HS2ST1: variants seen among roughly 807,000 people sequenced by gnomAD.
HS2ST1 encodes the protein 2-O-sulfotransferase.
Under a neutral mutation model 42.9 loss-of-function variants are expected in HS2ST1, and 18 were observed. The ratio of observed to expected loss-of-function variants is 0.42; its 90% confidence interval spans 0.29 to 0.62. The LOEUF (loss-of-function observed/expected upper bound fraction) is 0.62. Among genes scored for constraint, HS2ST1 ranks in the 20% least tolerant of loss-of-function variants. The pLI is 0.21. For synonymous variants in HS2ST1, 146 were observed against 152.9 expected, an observed-to-expected ratio of 0.95 and a Z score of 0.33; for missense variants, 334 against 433.8, an observed-to-expected ratio of 0.77 and a Z score of 2.04.
At chr1:86,969,863 C>G (rs553355965) in intron 1 of HS2ST1, among the ~76,000 whole-genome samples, 1 of 152,010 alleles carries the variant, frequency 6.6e-6, no homozygotes, top group Non-Finnish European at 1.5e-5. Context: ...CGGTGGCTCA[C>G]GCCTGTAATC....
intron 1 of HS2ST1, among the ~76,000 whole-genome samples, chr1:86,942,340 A>G (rs1660782214): frequency 1.3e-5 from 2 of 152,228 alleles, no homozygotes. Context: ...CAGTCTCTTT[A>G]AAATTTAGAT....
At chr1:86,964,320 C>G (rs1324848284) in intron 1 of HS2ST1, among the ~76,000 whole-genome samples, 1 of 152,336 alleles carries the variant, frequency 6.6e-6, no homozygotes, top group Admixed American at 6.5e-5. Context: ...TAGCCGAGAT[C>G]ACGCCACCGC....
Position 87,013,138 on chromosome 1 carries a change from G to A in HS2ST1, c.125-59796G>A, listed in dbSNP as rs367588233. ...CCTCTTCTCACAGCTCCAGTAGGTA[G>A]TTCCCCAGTGGGGACTCTGTATAGG... On this transcript the variant is annotated intron_variant, in intron 1 of 6. Coordinates refer to ENST00000370550, the MANE Select transcript of HS2ST1 (RefSeq NM_012262.4). 7.2e-5 allele frequency among the ~76,000 whole-genome samples: 11 copies of A among 152,344 alleles called. No individual in the cohort carries two copies. In the East Asian group the frequency reaches 1.9e-3, roughly 27 times the overall value.
At chr1:86,982,814 G>A (rs755173487) in intron 1 of HS2ST1, among the ~76,000 whole-genome samples, 2 of 151,776 alleles carry the variant, frequency 1.3e-5, no homozygotes, top group Non-Finnish European at 2.9e-5. Flanking sequence ...GCGCCTGGCC[G>A]CCATGTCACC....
chr1:86,926,611 C>A (rs1660427588), intron 1 of HS2ST1, among the ~76,000 whole-genome samples: 2 of 152,242 alleles, frequency 1.3e-5, no homozygotes, highest in South Asian at 4.1e-4. Flanking sequence ...AGGGTAAATT[C>A]AGTCTCTTTT....
At chr1:86,924,448 C>T (rs972946451) in intron 1 of HS2ST1, among the ~76,000 whole-genome samples, 7 of 152,210 alleles carry the variant, frequency 4.6e-5, no homozygotes, top group African/African-American at 1.7e-4. Context: ...GGCTGCAACC[C>T]CACATTTCCC....
At chr1:87,037,973 G>A (rs1398606927) in intron 1 of HS2ST1, among the ~76,000 whole-genome samples, 1 of 151,866 alleles carries the variant, frequency 6.6e-6, no homozygotes, top group East Asian at 1.9e-4. Context: ...TGTTTTTCTA[G>A]TAGGTGCCTA....
chr1:87,046,075 T>C, intron 1 of HS2ST1: 1 of 665,430 alleles, frequency 1.5e-6, no homozygotes, highest in Non-Finnish European at 2.9e-6. Context: ...GACAGCATCA[T>C]GAACCCTGAC....
chr1:87,045,970 T>C lies in HS2ST1; in HGVS notation c.125-26964T>C, dbSNP rs74099235. 1.1e-3 allele frequency: 796 copies of C among 720,444 alleles called. 5 individuals are homozygous for C. In the African/African-American group the frequency reaches 0.012, roughly 11 times the overall value. The allele number at this position is 720,444 out of a possible 1,614,324, so 44.6% of individuals were successfully genotyped here. On this transcript the variant is annotated intron_variant, in intron 1 of 6. Transcript: ENST00000370550. ...TGATGTCAGCAACCTCAACAGTTTT[T>C]GTTTCAAAAGAAACATGTTGGAAGA...
intron 1 of HS2ST1, among the ~76,000 whole-genome samples, chr1:86,984,637 C>T (rs1353321341): frequency 1.3e-5 from 2 of 152,100 alleles, no homozygotes; most frequent in Non-Finnish European, 2.9e-5. Flanking sequence ...GTAATCCCAG[C>T]ACTTTGGGAG....
chr1:86,938,112 A>G (rs965216243), intron 1 of HS2ST1, among the ~76,000 whole-genome samples: 1 of 152,140 alleles, frequency 6.6e-6, no homozygotes, highest in Non-Finnish European at 1.5e-5. Context: ...GTAAGATTAT[A>G]TGTTGATTTC....
chr1:87,058,036 C>T (rs1651021760), intron 1 of HS2ST1, among the ~76,000 whole-genome samples: 1 of 151,474 alleles, frequency 6.6e-6, no homozygotes, highest in African/African-American at 2.4e-5. Context: ...TTGTTTTAGC[C>T]TCGGGGTGAG....
At chr1:86,963,801 TC>T (rs1411222458) in intron 1 of HS2ST1, among the ~76,000 whole-genome samples, 1 of 110,498 alleles carries the variant, frequency 9.0e-6, no homozygotes, top group African/African-American at 3.5e-5. Flanking sequence ...GGCCCCCACC[TC>T]CCCCCCTGGA....
At chr1:86,933,160 A>G (rs1461674522) in intron 1 of HS2ST1, among the ~76,000 whole-genome samples, 2 of 151,962 alleles carry the variant, frequency 1.3e-5, no homozygotes, top group Non-Finnish European at 1.5e-5. Flanking sequence ...TCAGGTGTAG[A>G]TTTTTTGGTG....
chr1:86,968,793 A>T (rs183281356), intron 1 of HS2ST1, among the ~76,000 whole-genome samples: 3 of 152,296 alleles, frequency 2.0e-5, no homozygotes, highest in Non-Finnish European at 4.4e-5. Flanking sequence ...TAAAAAAAAA[A>T]GCTTCATGCT....
chr1:87,101,923 C>G (rs1652219434), intron 5 of HS2ST1, among the ~76,000 whole-genome samples: 1 of 152,120 alleles, frequency 6.6e-6, no homozygotes, highest in Non-Finnish European at 1.5e-5. Flanking sequence ...AGCATGGCAC[C>G]AACATCTGTT....
chr1:86,944,516 G>A (rs1171243886), intron 1 of HS2ST1, among the ~76,000 whole-genome samples: 4 of 151,754 alleles, frequency 2.6e-5, no homozygotes, highest in Admixed American at 6.6e-5. Flanking sequence ...CACCATGCCC[G>A]GCTCATTTTT....
chr1:87,068,600 T>C (rs2100630743), intron 1 of HS2ST1, among the ~76,000 whole-genome samples: 1 of 152,348 alleles, frequency 6.6e-6, no homozygotes, highest in Middle Eastern at 3.4e-3. Flanking sequence ...CTATGTTGAA[T>C]AGGAGTGGTG....
chr1:87,057,363 T>C (rs1044255319), intron 1 of HS2ST1, among the ~76,000 whole-genome samples: 1 of 152,260 alleles, frequency 6.6e-6, no homozygotes, highest in South Asian at 2.1e-4. Context: ...ATATTCCTAA[T>C]ATGGTGATTA....
Sources: gnomAD v4.1 joint callset for allele counts (sites outside exome capture counted in the v4.1 genomes callset) on GRCh38, gnomAD v4.1.1 for gene constraint, MANE v1.5 for transcripts, NCBI Gene and HGNC (gene_info 2026-07-23, HGNC 2026-07-21) for gene names.